The following TBC1D22A variants were observed in gnomAD, a reference collection of about 807,000 sequenced individuals.
TBC1D22A encodes the protein putative GTPase activator.
A neutral mutation model predicts 60.2 loss-of-function variants in TBC1D22A; 38 were observed. The ratio of observed to expected loss-of-function variants is 0.63; its 90% CI spans 0.49 to 0.83. TBC1D22A has a LOEUF of 0.83. TBC1D22A is among the 40% of genes least tolerant of loss of function. The probability of loss-of-function intolerance (pLI) is 0.00; values close to 1 mark genes in which losing one functional copy is unlikely to be tolerated. For synonymous variants in TBC1D22A, 302 were observed against 281.7 expected (o/e 1.07, Z -0.72); for missense variants, 628 against 701.0 (o/e 0.90, Z 1.18).
At chr22:47,064,910 C>T (rs2063701971) in intron 11 of TBC1D22A, among the ~76,000 whole-genome samples, 1 of 152,242 alleles carries the variant, frequency 6.6e-6, no homozygotes, top group South Asian at 2.1e-4. Context: ...ACACTTTAAT[C>T]ATTGTCATTA....
intron 12 of TBC1D22A, among the ~76,000 whole-genome samples, chr22:47,140,553 CAAA>C (rs940877057): frequency 0.012 from 806 of 69,822 alleles, 4 homozygotes; most frequent in African/African-American, 0.033. Flanking sequence ...GACTCTGTCT[CAAA>C]AAAAAAAAAA....
chr22:46,886,491 G>A (rs963457526), intron 5 of TBC1D22A, among the ~76,000 whole-genome samples: 14 of 152,214 alleles, frequency 9.2e-5, no homozygotes, highest in African/African-American at 3.1e-4. Flanking sequence ...GTTGTGACCC[G>A]ATGCCCTTTC....
chr22:46,960,397 G>A (rs1247858456), intron 8 of TBC1D22A, among the ~76,000 whole-genome samples: 2 of 152,108 alleles, frequency 1.3e-5, no homozygotes, highest in African/African-American at 2.4e-5. Flanking sequence ...GAGTAGCTGG[G>A]ATTACAGGCA....
At chr22:47,061,114 C>T (rs572569101) in intron 11 of TBC1D22A, among the ~76,000 whole-genome samples, 7 of 151,060 alleles carry the variant, frequency 4.6e-5, no homozygotes, top group African/African-American at 1.7e-4. Flanking sequence ...TCGGTGCCCT[C>T]ACCACCGTCC....
chr22:47,150,151 G>A (rs1440095498), intron 12 of TBC1D22A, among the ~76,000 whole-genome samples: 4 of 152,232 alleles, frequency 2.6e-5, no homozygotes, highest in African/African-American at 9.6e-5. Context: ...GGCCCCACGC[G>A]GCACGGGGCA....
chr22:47,085,137 C>T (rs560203120), intron 11 of TBC1D22A, among the ~76,000 whole-genome samples: 2 of 152,056 alleles, frequency 1.3e-5, no homozygotes, highest in Non-Finnish European at 2.9e-5. Context: ...AAAAATTAGC[C>T]GGATATGGTG....
intron 8 of TBC1D22A, among the ~76,000 whole-genome samples, chr22:46,945,423 T>C (rs976934181): frequency 6.6e-6 from 1 of 152,362 alleles, no homozygotes; most frequent in Non-Finnish European, 1.5e-5. Context: ...TTCCTTGTTA[T>C]TATGTCTTAC....
At chr22:47,149,029 C>T (rs946103945) in intron 12 of TBC1D22A, among the ~76,000 whole-genome samples, 5 of 150,408 alleles carry the variant, frequency 3.3e-5, no homozygotes, top group South Asian at 2.1e-4. Flanking sequence ...TGTGAGTGGA[C>T]GAGTAGGCAG....
intron 8 of TBC1D22A, among the ~76,000 whole-genome samples, chr22:46,920,573 T>A (rs781215831): frequency 6.6e-6 from 1 of 152,166 alleles, no homozygotes; most frequent in African/African-American, 2.4e-5. Context: ...CCCAGGTAGA[T>A]TCGCTGCTCC....
chr22:46,876,262 C>A (rs2067559472), intron 4 of TBC1D22A, among the ~76,000 whole-genome samples: 2 of 152,144 alleles, frequency 1.3e-5, no homozygotes, highest in Admixed American at 6.5e-5. Context: ...ACAGATTGTT[C>A]CCTTTTCACT....
chr22:46,886,068 T>C (rs6009019), intron 5 of TBC1D22A, among the ~76,000 whole-genome samples: 22,763 of 151,868 alleles, frequency 0.15, 3,334 homozygotes, highest in African/African-American at 0.39. Context: ...CCACCACGCC[T>C]GGCTAATTTT....
At chr22:46,815,524 A>G (rs1365114546) in intron 4 of TBC1D22A, among the ~76,000 whole-genome samples, 1 of 152,212 alleles carries the variant, frequency 6.6e-6, no homozygotes, top group Non-Finnish European at 1.5e-5. Flanking sequence ...TAAATTCTTC[A>G]GAGGATTGGT....
chr22:46,998,846 C>A (rs569997729), intron 10 of TBC1D22A, among the ~76,000 whole-genome samples: 20 of 152,316 alleles, frequency 1.3e-4, no homozygotes. Flanking sequence ...GTTAAAAATA[C>A]CGTTTTTGCC....
chr22:46,983,400 T>G (rs1569303026), intron 9 of TBC1D22A, among the ~76,000 whole-genome samples: 2 of 152,256 alleles, frequency 1.3e-5, no homozygotes, highest in African/African-American at 4.8e-5. Context: ...TAGCTTTGAT[T>G]GTAAGTACTT....
intron 9 of TBC1D22A, among the ~76,000 whole-genome samples, chr22:46,985,507 AG>A (rs1170194131): frequency 6.6e-6 from 1 of 152,244 alleles, no homozygotes; most frequent in Non-Finnish European, 1.5e-5. Flanking sequence ...TTGAGCAGCA[AG>A]CAATTTAAAA....
At chr22:46,998,566 G>A (rs2075200303) in intron 10 of TBC1D22A, among the ~76,000 whole-genome samples, 1 of 152,236 alleles carries the variant, frequency 6.6e-6, no homozygotes, top group Non-Finnish European at 1.5e-5. Flanking sequence ...GAGCGTTGCC[G>A]GTCACTGTGC....
chr22:46,812,806 C>G (rs905168845), intron 4 of TBC1D22A, among the ~76,000 whole-genome samples: 1 of 152,206 alleles, frequency 6.6e-6, no homozygotes, highest in Non-Finnish European at 1.5e-5. Context: ...AAAACGTTTC[C>G]TAATCCTCGT....
At chr22:46,939,384 C>T (rs2071852972) in intron 8 of TBC1D22A, among the ~76,000 whole-genome samples, 1 of 152,208 alleles carries the variant, frequency 6.6e-6, no homozygotes, top group East Asian at 1.9e-4. Context: ...GGTTTCTCAT[C>T]CAATTAGTCA....
intron 4 of TBC1D22A, among the ~76,000 whole-genome samples, chr22:46,832,388 C>T (rs2086348803): frequency 1.3e-5 from 2 of 152,236 alleles, no homozygotes; most frequent in Admixed American, 6.5e-5. Flanking sequence ...CAGTGGCTCA[C>T]GCCTGTAATC....
Sources: gnomAD v4.1 joint callset for allele counts (sites outside exome capture counted in the v4.1 genomes callset) on GRCh38, gnomAD v4.1.1 for gene constraint, MANE v1.5 for transcripts, NCBI Gene and HGNC (gene_info 2026-07-23, HGNC 2026-07-21) for gene names.